Variants in EVI5 observed in about 807,000 individuals in gnomAD.
EVI5 encodes ecotropic viral integration site 5 protein homolog.
In EVI5, 73 loss-of-function variants were observed where a neutral mutation model predicts 112.0. The observed-to-expected ratio is 0.65, with a 90% CI of 0.54 to 0.79. The LOEUF is 0.79. Among genes scored for constraint, EVI5 ranks in the 30% least tolerant of loss-of-function variants. The probability of loss-of-function intolerance (pLI) is 0.00; values close to 1 mark genes in which losing one functional copy is unlikely to be tolerated. For missense variants in EVI5, 900 were observed against 968.8 expected (o/e 0.93, Z 0.94); for synonymous variants, 305 against 319.9 (o/e 0.95, Z 0.50).
chr1:92,556,313 C>T (rs978423106), intron 19 of EVI5, among the ~76,000 whole-genome samples: 7 of 152,124 alleles, frequency 4.6e-5, no homozygotes, highest in African/African-American at 1.2e-4. Context: ...TCACCCGCCT[C>T]GGCTTCCCAA....
rs964612524 is a variant in EVI5, at chr1:92,707,195, A to C, written c.150-2451T>G. On this transcript the variant is annotated intron_variant, in intron 2 of 19. Transcript: ENST00000684568. ...ACTCTGTCTCAAAAAAAAAAAAAAA[A>C]AAAAACACAAGAAAACCTCTTCACA... Among the ~76,000 whole-genome samples, 3 of 145,336 alleles carry C rather than the reference A, an allele frequency of 2.1e-5. 1 individual carries two copies. The highest frequency in any genetic ancestry group is 3.0e-5 in the Non-Finnish European group (2 of 66,610).
At chr1:92,673,407 CTGTT>C (rs1395208730) in intron 10 of EVI5, among the ~76,000 whole-genome samples, 2 of 152,064 alleles carry the variant, frequency 1.3e-5, no homozygotes, top group Non-Finnish European at 2.9e-5. Context: ...ATTAGATTAA[CTGTT>C]CGTATGTCTA....
At chr1:92,737,581 G>A (rs538711096) in intron 1 of EVI5, among the ~76,000 whole-genome samples, 1 of 151,812 alleles carries the variant, frequency 6.6e-6, no homozygotes, top group African/African-American at 2.4e-5. Context: ...AGCTAACACT[G>A]GTTTATATAT....
intron 18 of EVI5, among the ~76,000 whole-genome samples, chr1:92,569,962 C>T (rs1467594893): frequency 6.7e-6 from 1 of 149,078 alleles, no homozygotes; most frequent in Non-Finnish European, 1.5e-5. Context: ...TGTTTCATAA[C>T]TATCTCACCC....
chr1:92,659,050 A>G (rs1359384012), intron 13 of EVI5, among the ~76,000 whole-genome samples: 1 of 152,056 alleles, frequency 6.6e-6, no homozygotes, highest in African/African-American at 2.4e-5. Flanking sequence ...TTGGATTCAT[A>G]TCTCTCATCA....
At chr1:92,608,367 T>G (rs1264292107) in intron 16 of EVI5, among the ~76,000 whole-genome samples, 1 of 152,066 alleles carries the variant, frequency 6.6e-6, no homozygotes, top group Non-Finnish European at 1.5e-5. Flanking sequence ...AATGGTGAGT[T>G]TAATTCCTCT....
Position 92,538,511 on chromosome 1 carries a change from T to C in EVI5, c.2167-24541A>G, listed in dbSNP as rs184937156. Among the ~76,000 whole-genome samples the C allele has an allele frequency of 5.9e-5, 9 of 152,318 alleles. No individual in the cohort carries two copies. In the East Asian group the frequency reaches 1.7e-3, roughly 29 times the overall value. ...TTGTTCTCTAAAGCTATATCATGTG[T>C]TTTTTCAGTCCATCAATCAATTAAC... On this transcript the variant is annotated intron_variant, in intron 19 of 19. Coordinates refer to ENST00000684568, the MANE Select transcript of EVI5 (RefSeq NM_001350197.2).
intron 7 of EVI5, 74 bp from the exon 8 acceptor site, chr1:92,694,462 A>G (rs2102471596): frequency 1.2e-6 from 1 of 820,560 alleles, no homozygotes; most frequent in Non-Finnish European, 2.0e-6. Flanking sequence ...TTGAAATAAT[A>G]CTAAGGTAAA....
chr1:92,619,761 A>C (rs2101729368), intron 16 of EVI5, among the ~76,000 whole-genome samples: 1 of 152,086 alleles, frequency 6.6e-6, no homozygotes, highest in South Asian at 2.1e-4. Context: ...TTTGAAAAAA[A>C]AAAAATTTTT....
intron 19 of EVI5, among the ~76,000 whole-genome samples, chr1:92,521,868 C>G (rs1660992969): frequency 6.6e-6 from 1 of 152,052 alleles, no homozygotes; most frequent in South Asian, 2.1e-4. Context: ...TTATTATTTA[C>G]TACACAAACT....
chr1:92,770,182 A>G (rs1683173094), intron 1 of EVI5, among the ~76,000 whole-genome samples: 1 of 152,198 alleles, frequency 6.6e-6, no homozygotes, highest in South Asian at 2.1e-4. Flanking sequence ...TTGAACTCTG[A>G]CCTTCAGAAC....
chr1:92,784,246 C>T (rs1005710663), intron 1 of EVI5: 3 of 955,296 alleles, frequency 3.1e-6, no homozygotes, highest in Non-Finnish European at 3.7e-6. Flanking sequence ...CACCACAATC[C>T]AACCTACCGG....
At chr1:92,630,730 T>C (rs1434816756) in intron 14 of EVI5, among the ~76,000 whole-genome samples, 1 of 152,206 alleles carries the variant, frequency 6.6e-6, no homozygotes, top group Admixed American at 6.5e-5. Flanking sequence ...GTTTTAGACA[T>C]GAAGTCCTTG....
rs1168983962 is a variant in EVI5 at position 92,704,762 on chromosome 1, ACT to A, written c.150-20_150-19del. 1 of 1,316,984 alleles carries A rather than the reference ACT, an allele frequency of 7.6e-7. No individual in the cohort carries two copies. The highest frequency in any genetic ancestry group is 1.5e-5 in the African/African-American group (1 of 67,926). 81.6% of individuals were successfully genotyped at this position (1,316,984 alleles called of 1,614,324 possible). Reference sequence around the variant, plus strand: ...CTAACAATCTAAAATATAATTAAAAACTGTTCAAGATCTAATCGGACAGTGAT... The same window carrying A: ...CTAACAATCTAAAATATAATTAAAAAGTTCAAGATCTAATCGGACAGTGAT... On this transcript the variant is annotated intron_variant, in intron 2 of 19. Transcript: ENST00000684568.
At chr1:92,772,330 C>A (rs1450394824) in intron 1 of EVI5, among the ~76,000 whole-genome samples, 2 of 152,020 alleles carry the variant, frequency 1.3e-5, no homozygotes, top group Non-Finnish European at 2.9e-5. Context: ...GGCGAGGTGG[C>A]TCACGCCTGT....
At chr1:92,628,757 A>C (rs915745885) in intron 14 of EVI5, among the ~76,000 whole-genome samples, 11 of 152,236 alleles carry the variant, frequency 7.2e-5, no homozygotes, top group Non-Finnish European at 1.6e-4. Flanking sequence ...GAAATTTTCT[A>C]TCTCTAAATA....
chr1:92,776,454 G>A (rs1020058429), intron 1 of EVI5, among the ~76,000 whole-genome samples: 1 of 151,884 alleles, frequency 6.6e-6, no homozygotes, highest in Non-Finnish European at 1.5e-5. Context: ...TTTAATGGGT[G>A]GTTTTATCAT....
chr1:92,678,326 T>C (rs1667066845), intron 9 of EVI5, among the ~76,000 whole-genome samples: 1 of 151,610 alleles, frequency 6.6e-6, no homozygotes, highest in South Asian at 2.1e-4. Context: ...AGGCCAGGGG[T>C]TCAAGACCAG....
At chr1:92,663,915 T>G (rs1311903746) in intron 11 of EVI5, among the ~76,000 whole-genome samples, 1 of 152,156 alleles carries the variant, frequency 6.6e-6, no homozygotes. Flanking sequence ...ATGTAGCTAG[T>G]TTTAAAATTT....
Sources: allele counts gnomAD v4.1 joint callset (sites outside exome capture counted in the v4.1 genomes callset), GRCh38; gene constraint gnomAD v4.1.1; transcripts MANE v1.5; gene names NCBI Gene and HGNC (gene_info 2026-07-23, HGNC 2026-07-21).